The following FAM120A variants were observed in gnomAD, a reference collection of about 807,000 sequenced individuals.
FAM120A encodes the protein constitutive coactivator of PPAR-gamma-like protein 1.
Under a neutral mutation model 109.7 loss-of-function variants are expected in FAM120A, and 15 were observed. The observed-to-expected ratio is 0.14, with a 90% confidence interval of 0.09 to 0.21. The LOEUF is 0.21. Ranked by LOEUF, FAM120A falls within the 10% of genes least tolerant of loss-of-function variation. The pLI is 1.00. For synonymous variants in FAM120A, 493 were observed against 572.8 expected (o/e 0.86, Z 1.99); for missense variants, 899 against 1,439.3 (o/e 0.62, Z 6.07).
chr9:93,511,695 A>G (rs1256613956), intron 5 of FAM120A, among the ~76,000 whole-genome samples: 1 of 152,244 alleles, frequency 6.6e-6, no homozygotes, highest in Non-Finnish European at 1.5e-5. Context: ...ATGAAAATTA[A>G]AGGTGGTAGG....
At chr9:93,496,254 C>T (rs2131344697) in intron 3 of FAM120A, among the ~76,000 whole-genome samples, 1 of 152,320 alleles carries the variant, frequency 6.6e-6, no homozygotes, top group African/African-American at 2.4e-5. Flanking sequence ...GACATCCTCC[C>T]ATGAATCATG....
chr9:93,498,671 ATTC>A lies in FAM120A; in HGVS notation c.934-114_934-112del. On this transcript the variant is annotated intron_variant, in intron 4 of 17. Transcript: ENST00000277165. The surrounding 1 kb of genome is among the most constrained non-coding windows in gnomAD (Gnocchi z 4.4). ...CCTGAAAGTTTTAATGTCATTCAAA[ATTC>A]TTCTCTAACTTGAAAAGCTGTAGAA... The A allele has an allele frequency of 1.4e-6, 1 of 726,008 alleles. No individual in the cohort carries two copies. The highest frequency in any genetic ancestry group is 2.5e-6 in the Non-Finnish European group (1 of 405,834). The allele number at this position is 726,008 out of a possible 1,614,324, so 45.0% of individuals were successfully genotyped here. A position where few individuals can be genotyped will look rare whatever the true frequency, so the allele number is the denominator to read the frequency against.
chr9:93,452,753 A>G lies in FAM120A; in HGVS notation c.474+364A>G. The G allele has an allele frequency of 1.3e-6, 2 of 1,597,144 alleles. No individual in the cohort carries two copies. The highest frequency in any genetic ancestry group is 2.2e-5 in the South Asian group (2 of 90,800). ...GCTATCACTCACCTTCAACTTTGAC[A>G]AAATACTCCCTTTTCTAATTTAGCC... On this transcript the variant is annotated intron_variant, in intron 1 of 17. Coordinates refer to ENST00000277165, the MANE Select transcript of FAM120A (RefSeq NM_014612.5). The surrounding 1 kb of genome is among the most constrained non-coding windows in gnomAD (Gnocchi z 7.0).
intron 1 of FAM120A, among the ~76,000 whole-genome samples, chr9:93,470,495 T>C (rs1397478086): frequency 2.0e-5 from 3 of 152,122 alleles, no homozygotes; most frequent in Non-Finnish European, 4.4e-5. Context: ...TTTTTCATCA[T>C]TGAAAAGGCA....
chr9:93,498,953 C>A lies in FAM120A; in HGVS notation c.1030+67C>A. 1.0e-6 allele frequency: 1 copy of A among 998,084 alleles called. No homozygotes were observed. The highest frequency in any genetic ancestry group is 1.6e-6 in the Non-Finnish European group (1 of 629,666). 61.8% of individuals were successfully genotyped at this position (998,084 alleles called of 1,614,324 possible). A position where few individuals can be genotyped will look rare whatever the true frequency, so the allele number is the denominator to read the frequency against. ...AATCCAAGTAGGTTTAAATATTCACCATATAATCTTGTAGGTTTATGTTTT... is the reference window on the plus strand; with the variant it reads ...AATCCAAGTAGGTTTAAATATTCACAATATAATCTTGTAGGTTTATGTTTT... On this transcript the variant is annotated intron_variant, in intron 5 of 17. Coordinates refer to ENST00000277165, the MANE Select transcript of FAM120A (RefSeq NM_014612.5). The surrounding 1 kb of genome is among the most constrained non-coding windows in gnomAD (Gnocchi z 4.4).
rs151001575 is a variant in FAM120A at position 93,523,090 on chromosome 9, G to A, written c.1419-4065G>A. Among the ~76,000 whole-genome samples the A allele has an allele frequency of 6.0e-3, 915 of 152,250 alleles. 4 individuals are homozygous for A. Among genetic ancestry groups the A allele is most frequent in the Admixed American group, 0.01 (158 of 15,298 alleles). The stretch of plus-strand genomic sequence containing the variant: ...TAGCTGATGAAAAAGCTCAATGAAT[G>A]GTAGCTATCACTACTTTTTAAAAAT... On this transcript the variant is annotated intron_variant, in intron 7 of 17. Transcript: ENST00000277165.
intron 9 of FAM120A, chr9:93,530,528 A>C (rs953113421): frequency 6.6e-6 from 1 of 152,210 alleles, no homozygotes; most frequent in African/African-American, 2.4e-5. Flanking sequence ...GACTAATCCA[A>C]ATATTGCTTA....
intron 10 of FAM120A, among the ~76,000 whole-genome samples, chr9:93,542,537 C>T (rs1049659195): frequency 1.3e-5 from 2 of 152,170 alleles, no homozygotes; most frequent in African/African-American, 4.8e-5. Flanking sequence ...TTCCATGTTA[C>T]ATCAACTTAG....
intron 3 of FAM120A, among the ~76,000 whole-genome samples, chr9:93,478,059 T>C (rs1858623050): frequency 6.6e-6 from 1 of 152,200 alleles, no homozygotes; most frequent in African/African-American, 2.4e-5. Context: ...CCCATGAAAA[T>C]GTCAGCTTGC....
chr9:93,565,299 G>C lies in FAM120A; in HGVS notation c.*759G>C, dbSNP rs1725889119. 1 of 152,634 alleles carries C rather than the reference G, an allele frequency of 6.6e-6. No individual in the cohort carries two copies. The highest frequency in any genetic ancestry group is 2.1e-4 in the South Asian group (1 of 4,836). The allele number at this position is 152,634 out of a possible 1,614,324, so 9.5% of individuals were successfully genotyped here. A position where few individuals can be genotyped will look rare whatever the true frequency, so the allele number is the denominator to read the frequency against. ...TGTGATCAATGAACTATGTGGTTTT[G>C]AATCGGATGTAGACCATTAGTACTA... is the stretch of plus-strand genomic sequence containing the variant. On this transcript the variant is annotated 3_prime_UTR_variant, in exon 18 of 18. Coordinates refer to ENST00000277165, the MANE Select transcript of FAM120A (RefSeq NM_014612.5).
At position 93,452,551 on chromosome 9, in the gene FAM120A, T is replaced by A; in HGVS notation, c.474+162T>A. On this transcript the variant is annotated intron_variant, in intron 1 of 17. Transcript: ENST00000277165. The surrounding 1 kb of genome is among the most constrained non-coding windows in gnomAD (Gnocchi z 7.0). ...TGGCCGGGCCGGGCTGCAAGATGGA[T>A]GGCCGCGGGTGCAGGCCGCGCGCTG... is the stretch of plus-strand genomic sequence containing the variant. 6.3e-7 allele frequency: 1 copy of A among 1,580,546 alleles called. No homozygotes were observed. The highest frequency in any genetic ancestry group is 1.8e-5 in the Admixed American group (1 of 56,492).
intron 12 of FAM120A, among the ~76,000 whole-genome samples, chr9:93,555,834 T>C (rs1862266228): frequency 6.6e-6 from 1 of 152,254 alleles, no homozygotes; most frequent in Admixed American, 6.5e-5. Flanking sequence ...TATTAATAAG[T>C]TGCAATTAAA....
chr9:93,508,942 G>A (rs955051075), intron 5 of FAM120A, among the ~76,000 whole-genome samples: 1 of 152,220 alleles, frequency 6.6e-6, no homozygotes, highest in Non-Finnish European at 1.5e-5. Context: ...AAGACAATAT[G>A]TAAAGAATGA....
At chr9:93,564,195 C>A in intron 17 of FAM120A, 34 bp from the exon 18 acceptor site, 1 of 1,579,654 alleles carries the variant, frequency 6.3e-7, no homozygotes, top group Non-Finnish European at 8.6e-7. Context: ...TATCAGAAAC[C>A]ACCTTCTCAT....
Position 93,452,646 on chromosome 9 carries a change from G to A in FAM120A, c.474+257G>A, listed in dbSNP as rs1055710. On this transcript the variant is annotated intron_variant, in intron 1 of 17. Transcript: ENST00000277165. This position sits in a 1 kb window ranked among gnomAD's most constrained non-coding sequence, Gnocchi z 7.0. The stretch of plus-strand genomic sequence containing the variant: ...GTGGGGACACTTGAGGGCTGGGAGA[G>A]AGCCCCGGACCAGAATTCGGAGGCG... 0.32 allele frequency: 518,473 copies of A among 1,598,730 alleles called. 86,149 individuals carry two copies. Among genetic ancestry groups the A allele is most frequent in the East Asian group, 0.46 (20,654 of 44,832 alleles).
chr9:93,463,586 C>T (rs1857889320), intron 1 of FAM120A, among the ~76,000 whole-genome samples: 1 of 152,152 alleles, frequency 6.6e-6, no homozygotes, highest in African/African-American at 2.4e-5. Flanking sequence ...GTTAGTTTTT[C>T]CCATTTCATA....
chr9:93,521,120 T>C (rs533750424), intron 7 of FAM120A, among the ~76,000 whole-genome samples: 2 of 152,328 alleles, frequency 1.3e-5, no homozygotes, highest in African/African-American at 4.8e-5. Context: ...GAAGACTTCT[T>C]GCCACATAGT....
chr9:93,470,999 A>G, intron 1 of FAM120A, 142 bp from the exon 2 acceptor site: 2 of 961,982 alleles, frequency 2.1e-6, no homozygotes, highest in Non-Finnish European at 3.1e-6. Flanking sequence ...AAACTTTATT[A>G]TGGCATTTTT....
chr9:93,499,308 A>G (rs905256679), intron 5 of FAM120A, among the ~76,000 whole-genome samples: 1 of 145,884 alleles, frequency 6.9e-6, no homozygotes, highest in African/African-American at 2.6e-5. Flanking sequence ...TTTGTTGTTG[A>G]GCAGAGTATT....
Sources: gnomAD v4.1 joint callset for allele counts (sites outside exome capture counted in the v4.1 genomes callset) on GRCh38, gnomAD v4.1.1 for gene constraint, Gnocchi (gnomAD v3.1) non-coding constraint, MANE v1.5 for transcripts, NCBI Gene and HGNC (gene_info 2026-07-23, HGNC 2026-07-21) for gene names.